Variants in PLEKHM2 observed in about 807,000 individuals in gnomAD.
PLEKHM2 encodes pleckstrin homology and RUN domain containing M2.
Under a neutral mutation model 116.3 loss-of-function variants are expected in PLEKHM2, and 77 were observed. The ratio of observed to expected loss-of-function variants is 0.66; its 90% CI spans 0.55 to 0.80. The LOEUF (loss-of-function observed/expected upper bound fraction) is 0.80, where lower values mean the gene tolerates loss of function less well. Among genes scored for constraint, PLEKHM2 ranks in the 30% least tolerant of loss-of-function variants. The pLI is 0.00. For synonymous variants in PLEKHM2, 562 were observed against 571.0 expected (o/e 0.98, Z 0.22); for missense variants, 1,183 against 1,354.9 (o/e 0.87, Z 1.99).
At chr1:15,701,752 C>G (rs1641118005) in intron 1 of PLEKHM2, among the ~76,000 whole-genome samples, 1 of 152,046 alleles carries the variant, frequency 6.6e-6, no homozygotes, top group Non-Finnish European at 1.5e-5. Context: ...GATTGCGCCA[C>G]TGCACTCCAG....
intron 7 of PLEKHM2, chr1:15,722,800 CTCT>C (rs1364383352): frequency 6.6e-6 from 1 of 152,134 alleles, no homozygotes; most frequent in East Asian, 1.9e-4. Flanking sequence ...CTCTTAGCCC[CTCT>C]TCTTGCAGCA....
At chr1:15,733,345 G>T (rs947843530) in intron 19 of PLEKHM2, among the ~76,000 whole-genome samples, 3 of 152,254 alleles carry the variant, frequency 2.0e-5, no homozygotes, top group African/African-American at 7.2e-5. Context: ...TGCTCAGATG[G>T]GGGGACACAA....
upstream of PLEKHM2, among the ~76,000 whole-genome samples, chr1:15,683,589 G>A (rs1306619342): frequency 2.7e-5 from 4 of 149,952 alleles, no homozygotes; most frequent in Non-Finnish European, 4.5e-5. Context: ...TTTTGTGGGG[G>A]GATCCTGTGG....
chr1:15,682,626 AAC>A (rs1640669708), upstream of PLEKHM2, among the ~76,000 whole-genome samples: 1 of 72,836 alleles, frequency 1.4e-5, no homozygotes, highest in African/African-American at 1.1e-4. Flanking sequence ...CTCAAAAACA[AAC>A]AAAACAAAAC....
Position 15,728,477 on chromosome 1 carries a change from C to A in PLEKHM2, c.1921+120C>A. The A allele has an allele frequency of 9.6e-7, 1 of 1,042,418 alleles. No homozygotes were observed. Among genetic ancestry groups the A allele is most frequent in the Non-Finnish European group, 1.4e-6 (1 of 707,776 alleles). The allele number at this position is 1,042,418 out of a possible 1,614,324, so 64.6% of individuals were successfully genotyped here. ...TGCCTGGCATGCAGTGATGGAAAGGCACCCCAAGGAAGGTGTTGCCAGCAG... is the reference window on the plus strand; with the variant it reads ...TGCCTGGCATGCAGTGATGGAAAGGAACCCCAAGGAAGGTGTTGCCAGCAG... On this transcript the variant is annotated intron_variant, in intron 11 of 19. Transcript: ENST00000375799. This position sits in a 1 kb window ranked among gnomAD's most constrained non-coding sequence, Gnocchi z 5.9.
At position 15,719,234 on chromosome 1, in the gene PLEKHM2, G is replaced by A. The variant is rs1440411552; in HGVS notation, c.466-500G>A. Among the ~76,000 whole-genome samples, 1 of 152,158 alleles carries A rather than the reference G, an allele frequency of 6.6e-6. No homozygotes were observed. The highest frequency in any genetic ancestry group is 1.5e-5 in the Non-Finnish European group (1 of 68,028). On this transcript the variant is annotated intron_variant, in intron 5 of 19. Transcript: ENST00000375799. This position sits in a 1 kb window ranked among gnomAD's most constrained non-coding sequence, Gnocchi z 4.1. ...GGAGGCTGAGGTGGGTGGATCACCT[G>A]AGGTCAGGAGTTCGAGACCAGCCTG...
chr1:15,699,720 G>C (rs1005046068), intron 1 of PLEKHM2, among the ~76,000 whole-genome samples: 3 of 152,156 alleles, frequency 2.0e-5, no homozygotes, highest in African/African-American at 7.2e-5. Context: ...GGCCGGGTAT[G>C]ATGATAAGGT....
chr1:15,723,916 C>T (rs963883163), intron 7 of PLEKHM2, among the ~76,000 whole-genome samples: 23 of 152,336 alleles, frequency 1.5e-4, no homozygotes, highest in Admixed American at 1.1e-3. Flanking sequence ...GAGCATTGGC[C>T]GGCAAATAGA....
chr1:15,694,335 C>A (rs900542667), intron 1 of PLEKHM2, among the ~76,000 whole-genome samples: 1 of 151,298 alleles, frequency 6.6e-6, no homozygotes, highest in Non-Finnish European at 1.5e-5. Flanking sequence ...AGCGACAGAG[C>A]GAGACTCCAT....
chr1:15,704,168 A>C (rs1048791308), intron 1 of PLEKHM2, among the ~76,000 whole-genome samples: 1 of 151,956 alleles, frequency 6.6e-6, no homozygotes, highest in African/African-American at 2.4e-5. Flanking sequence ...TTGTGGCCAG[A>C]GGGGTCCCAT....
Position 15,727,631 on chromosome 1 carries a change from C to T in PLEKHM2, c.1559C>T (p.Thr520Ile). The T allele has an allele frequency of 6.3e-7, 1 of 1,591,326 alleles. No homozygotes were observed. The highest frequency in any genetic ancestry group is 1.3e-5 in the African/African-American group (1 of 74,440). Residue 520 changes from threonine to isoleucine, a missense_variant, in exon 9 of 20, where the codon ACC (threonine) becomes ATC (isoleucine). Thr to Ile is a moderately conservative substitution (Grantham distance 89). Transcript: ENST00000375799. This position sits in a 1 kb window ranked among gnomAD's most constrained non-coding sequence, Gnocchi z 7.5. ...CAGACGCCTCGGCCCCTAGAGGATA[C>T]CACGAGGGAGGCTCAGGAGCTGGAG... ...EGQTPRPLED[T>I]TREAQELEAQ...
At chr1:15,685,119 C>T (rs190430696) in intron 1 of PLEKHM2, among the ~76,000 whole-genome samples, 3 of 152,352 alleles carry the variant, frequency 2.0e-5, no homozygotes, top group Admixed American at 6.5e-5. Context: ...AATAATCTTG[C>T]TCAAGGATGG....
At chr1:15,710,464 A>G (rs1025526542) in intron 1 of PLEKHM2, among the ~76,000 whole-genome samples, 35 of 151,572 alleles carry the variant, frequency 2.3e-4, no homozygotes, top group African/African-American at 8.5e-4. Flanking sequence ...AGTAGCTGGG[A>G]TTACAGGCAT....
Position 15,727,770 on chromosome 1 carries a change from G to T in PLEKHM2, c.1698G>T (p.Glu566Asp). ...CCAGCCCGTGTCTGAGTAGCGCTGAGGATTCTGGGGTGGATGAGGGACAGG... is the reference window on the plus strand; with the variant it reads ...CCAGCCCGTGTCTGAGTAGCGCTGATGATTCTGGGGTGGATGAGGGACAGG... ...DQPSPCLSSA[E>D]DSGVDEGQGS... Residue 566 changes from glutamate (E) to aspartate (D), a missense_variant, in exon 9 of 20, where the codon GAG (glutamate) becomes GAT (aspartate). Glu to Asp is a conservative substitution (Grantham distance 45, BLOSUM62 2). Around this residue, in one of 3 missense-constraint regions of PLEKHM2, gnomAD observed 594 missense variants for 720.1 expected, o/e 0.82. Transcript: ENST00000375799. The surrounding 1 kb of genome is among the most constrained non-coding windows in gnomAD (Gnocchi z 7.5). 2 of 1,605,054 alleles carry T rather than the reference G, an allele frequency of 1.2e-6. No homozygotes were observed. Among genetic ancestry groups the T allele is most frequent in the African/African-American group, 1.3e-5 (1 of 74,916 alleles).
rs1233033159 is a variant in PLEKHM2, at chr1:15,686,648, A to AT, written c.60+2048dup. On this transcript the variant is annotated intron_variant, in intron 1 of 19. Transcript: ENST00000375799. The stretch of plus-strand genomic sequence containing the variant: ...GGTGTGCGCCACCACACCCGGCTAA[A>AT]TTTTTTTTTTTTTTTTTTGAGACGG... Among the ~76,000 whole-genome samples, 719 of 134,204 alleles carry AT rather than the reference A, an allele frequency of 5.4e-3. 2 individuals carry two copies. Among genetic ancestry groups the AT allele is most frequent in the Admixed American group, 7.3e-3 (99 of 13,474 alleles). The allele number at this position is 134,204 out of a possible 152,430, so 88.0% of individuals were successfully genotyped here.
chr1:15,681,695 C>T (rs543285886), upstream of PLEKHM2: 1 of 429,340 alleles, frequency 2.3e-6, no homozygotes, highest in African/African-American at 2.0e-5. Context: ...CCACAAACAC[C>T]TTTGGTAAGT....
At position 15,733,809 on chromosome 1, in the gene PLEKHM2, C is replaced by G. The variant is rs756795422; in HGVS notation, c.2935C>G (p.His979Asp). The G allele has an allele frequency of 3.7e-6, 6 of 1,612,878 alleles. No homozygotes were observed. Among genetic ancestry groups the G allele is most frequent in the East Asian group, 2.2e-5 (1 of 44,890 alleles). The change falls in exon 20 of 20, where the codon CAC becomes GAC. Residue 979 changes from histidine to aspartate, a missense_variant. This residue lies in a region of PLEKHM2 where 594 missense variants were observed against 720.1 expected (regional missense o/e 0.82). Coordinates refer to ENST00000375799, the MANE Select transcript of PLEKHM2 (RefSeq NM_015164.4). ...WKTIYQVDLP[H>D]TAIQEASNKK... ...CGCCCCAACACAGGTGGACCTCCCCCACACGGCGATCCAGGAAGCCTCCAA... is the reference window on the plus strand; with the variant it reads ...CGCCCCAACACAGGTGGACCTCCCCGACACGGCGATCCAGGAAGCCTCCAA...
At chr1:15,725,050 G>A (rs917106404) in intron 7 of PLEKHM2, among the ~76,000 whole-genome samples, 2 of 152,192 alleles carry the variant, frequency 1.3e-5, no homozygotes, top group Admixed American at 6.5e-5. Context: ...TTCACCGCGG[G>A]GGCCCTTAAC....
In PLEKHM2 at chr1:15,721,455, T is replaced by G; in HGVS notation, c.712+67T>G. The G allele has an allele frequency of 1.1e-6, 1 of 947,258 alleles. No homozygotes were observed. Among genetic ancestry groups the G allele is most frequent in the Non-Finnish European group, 1.7e-6 (1 of 602,818 alleles). The allele number at this position is 947,258 out of a possible 1,614,324, so 58.7% of individuals were successfully genotyped here. ...ATGTTTCCATGCCAAGCTTGCTGCA[T>G]GTATCAAATCAGCTCCTTATTATTT... On this transcript the variant is annotated intron_variant, in intron 7 of 19. Transcript: ENST00000375799. The surrounding 1 kb of genome is among the most constrained non-coding windows in gnomAD (Gnocchi z 5.1).
Sources: allele counts gnomAD v4.1 joint callset (sites outside exome capture counted in the v4.1 genomes callset), GRCh38; gene constraint gnomAD v4.1.1; regional missense constraint gnomAD v4.1.1; non-coding constraint Gnocchi (gnomAD v3.1); transcripts MANE v1.5; gene names NCBI Gene and HGNC (gene_info 2026-07-23, HGNC 2026-07-21).